The following RAP1GAP variants were observed in gnomAD, a reference collection of about 807,000 sequenced individuals.
RAP1GAP encodes RAP1 GTPase activating protein.
Under a neutral mutation model 87.2 loss-of-function variants are expected in RAP1GAP, and 35 were observed. The ratio of observed to expected loss-of-function variants is 0.40; its 90% CI spans 0.31 to 0.53. RAP1GAP has a LOEUF of 0.53. Ranked by LOEUF, RAP1GAP falls within the 20% of genes least tolerant of loss-of-function variation. The probability of loss-of-function intolerance (pLI) is 0.48; values close to 1 mark genes in which losing one functional copy is unlikely to be tolerated. For synonymous variants in RAP1GAP, 375 were observed against 363.9 expected, an observed-to-expected ratio of 1.03 and a Z score of -0.35; for missense variants, 734 against 898.9, an observed-to-expected ratio of 0.82 and a Z score of 2.35.
chr1:21,636,664 G>A lies in RAP1GAP; in HGVS notation c.-112-10267C>T, dbSNP rs552402135. 3.3e-5 allele frequency among the ~76,000 whole-genome samples: 5 copies of A among 151,924 alleles called. No individual in the cohort carries two copies. The East Asian group carries it at 5.8e-4, about 18-fold the overall frequency. ...TCTACTAAAAATACAAAAATTAGCC[G>A]GGTGTGGTAGCGCACGCCTGTAATC... On this transcript the variant is annotated intron_variant, in intron 2 of 24. Transcript: ENST00000374765.
intron 21 of RAP1GAP, 117 bp from the exon 22 acceptor site, chr1:21,598,619 C>T (rs892149857): frequency 1.1e-5 from 9 of 812,924 alleles, no homozygotes; most frequent in South Asian, 4.9e-5. Flanking sequence ...GTACCCTCTG[C>T]GAGGAGGACG....
chr1:21,643,753 T>C (rs1284514348), intron 2 of RAP1GAP, among the ~76,000 whole-genome samples: 1 of 152,180 alleles, frequency 6.6e-6, no homozygotes, highest in African/African-American at 2.4e-5. Context: ...TCTGCACTCA[T>C]TTCATTCGAA....
Position 21,609,741 on chromosome 1 carries a change from C to T in RAP1GAP, c.1000-95G>A. 1 of 939,212 alleles carries T rather than the reference C, an allele frequency of 1.1e-6. No homozygotes were observed. Among genetic ancestry groups the T allele is most frequent in the Non-Finnish European group, 1.6e-6 (1 of 645,146 alleles). 58.2% of individuals were successfully genotyped at this position (939,212 alleles called of 1,614,324 possible). A position where few individuals can be genotyped will look rare whatever the true frequency, so the allele number is the denominator to read the frequency against. ...CCTACTGTGCCTCCCTGGACTGCCC[C>T]TTGGTCGGGGAGACCCAGTGACTGT... is the stretch of plus-strand genomic sequence containing the variant. On this transcript the variant is annotated intron_variant, in intron 14 of 24. Coordinates refer to ENST00000374765, the MANE Select transcript of RAP1GAP (RefSeq NM_002885.4). The surrounding 1 kb of genome is among the most constrained non-coding windows in gnomAD (Gnocchi z 4.4).
At position 21,603,869 on chromosome 1, in the gene RAP1GAP, C is replaced by T. The variant is rs1282285505; in HGVS notation, c.1429-956G>A. 13 of 1,588,836 alleles carry T rather than the reference C, an allele frequency of 8.2e-6. No individual in the cohort carries two copies. Among genetic ancestry groups the T allele is most frequent in the Non-Finnish European group, 1.1e-5 (13 of 1,167,340 alleles). On this transcript the variant is annotated intron_variant, in intron 18 of 24. Coordinates refer to ENST00000374765, the MANE Select transcript of RAP1GAP (RefSeq NM_002885.4). The surrounding 1 kb of genome is among the most constrained non-coding windows in gnomAD (Gnocchi z 6.0). Reference sequence around the variant, plus strand: ...GGTTCCTATGCCTATGGCACTGCCCCGGCGTCCGAATCTACTCGCACTTTT... The same window carrying T: ...GGTTCCTATGCCTATGGCACTGCCCTGGCGTCCGAATCTACTCGCACTTTT...
intron 2 of RAP1GAP, among the ~76,000 whole-genome samples, chr1:21,636,782 G>A (rs2094743281): frequency 6.6e-6 from 1 of 151,362 alleles, no homozygotes; most frequent in African/African-American, 2.4e-5. Context: ...ACTCCAGCCT[G>A]GGCAACAAGA....
At chr1:21,620,812 G>A (rs985197561) in intron 3 of RAP1GAP, among the ~76,000 whole-genome samples, 1 of 151,924 alleles carries the variant, frequency 6.6e-6, no homozygotes, top group Non-Finnish European at 1.5e-5. Flanking sequence ...GGCTCCTGCT[G>A]ACACATGTGC....
At chr1:21,630,719 A>G (rs2093567999) in intron 2 of RAP1GAP, among the ~76,000 whole-genome samples, 1 of 151,048 alleles carries the variant, frequency 6.6e-6, no homozygotes, top group Admixed American at 6.6e-5. Context: ...AATTAAAAAT[A>G]AATTTTTTGT....
chr1:21,656,573 G>T (rs2096876215), intron 1 of RAP1GAP, among the ~76,000 whole-genome samples: 1 of 152,136 alleles, frequency 6.6e-6, no homozygotes, highest in African/African-American at 2.4e-5. Flanking sequence ...ATCCCAGGAA[G>T]CTTCTGGAAA....
chr1:21,642,874 C>CCACACACACA (rs1422143304), intron 2 of RAP1GAP, among the ~76,000 whole-genome samples: 1 of 80,826 alleles, frequency 1.2e-5, no homozygotes, highest in African/African-American at 5.0e-5. Flanking sequence ...CCCTTCCCCA[C>CCACACACACA]TACACACACA....
At position 21,669,142 on chromosome 1, in the gene RAP1GAP, A is replaced by C. The variant is rs1255839287; in HGVS notation, c.-149+112T>G. On this transcript the variant is annotated intron_variant, in intron 1 of 24. Coordinates refer to ENST00000374765, the MANE Select transcript of RAP1GAP (RefSeq NM_002885.4). The surrounding 1 kb of genome is among the most constrained non-coding windows in gnomAD (Gnocchi z 5.6). The stretch of plus-strand genomic sequence containing the variant: ...CCGGGTCCCCCACGCGTTCGCCCCC[A>C]CCCTCCGTCCCCGCCCGCCCGCGCG... The C allele has an allele frequency of 2.0e-5, 22 of 1,108,960 alleles. No individual in the cohort carries two copies. Among genetic ancestry groups the C allele is most frequent in the African/African-American group, 7.2e-5 (4 of 55,322 alleles). The allele number at this position is 1,108,960 out of a possible 1,614,324, so 68.7% of individuals were successfully genotyped here.
intron 10 of RAP1GAP, among the ~76,000 whole-genome samples, chr1:21,612,419 A>G (rs2078974703): frequency 6.6e-6 from 1 of 152,086 alleles, no homozygotes; most frequent in South Asian, 2.1e-4. Context: ...TGCCATGCCA[A>G]GCCCACCCCT....
intron 1 of RAP1GAP, among the ~76,000 whole-genome samples, chr1:21,655,173 G>T (rs1378727817): frequency 1.3e-5 from 2 of 151,630 alleles, no homozygotes; most frequent in East Asian, 3.9e-4. Context: ...AAAAAAAATT[G>T]TTGTAGCAGC....
In RAP1GAP at chr1:21,613,178, TG is replaced by T; in HGVS notation, c.525del (p.Lys176ArgfsTer70). ...GCTGTGCCCAGATCCAGCCATACCT[TG>T]GGGTAGAGCACAGGATAGAACCGAT... is the stretch of plus-strand genomic sequence containing the variant. ...NVDRFYPVLY[P>X]KASRLIVTFD... On this transcript the variant is annotated frameshift_variant, in exon 10 of 25. Transcript: ENST00000374765. LOFTEE classifies it high-confidence loss of function. This position sits in a 1 kb window ranked among gnomAD's most constrained non-coding sequence, Gnocchi z 4.7. 6.5e-7 allele frequency: 1 copy of T among 1,548,210 alleles called. No homozygotes were observed. The highest frequency in any genetic ancestry group is 8.9e-7 in the Non-Finnish European group (1 of 1,120,232).
intron 3 of RAP1GAP, among the ~76,000 whole-genome samples, chr1:21,624,993 C>A (rs2091300422): frequency 6.6e-6 from 1 of 152,216 alleles, no homozygotes; most frequent in South Asian, 2.1e-4. Flanking sequence ...ATGAACCCAG[C>A]TGTCAAGTGA....
chr1:21,597,996 G>T lies in RAP1GAP; in HGVS notation c.1948C>A (p.Gln650Lys). 6.3e-7 allele frequency: 1 copy of T among 1,581,124 alleles called. No individual in the cohort carries two copies. The highest frequency in any genetic ancestry group is 8.6e-7 in the Non-Finnish European group (1 of 1,164,606). The stretch of plus-strand genomic sequence containing the variant: ...ATGTGCTGCTCAGATGCTTCCAGCT[G>T]GATCTTGATCTCGGGACACGCAGGG... ...GDPACPEIKI[Q>K]LEASEQHMPQ... Residue 650 changes from glutamine to lysine, a missense_variant, in exon 23 of 25, where the codon CAG (glutamine) becomes AAG (lysine). By Grantham distance (53) the Gln-to-Lys change is moderately conservative (BLOSUM62 1). Coordinates refer to ENST00000374765, the MANE Select transcript of RAP1GAP (RefSeq NM_002885.4).
At chr1:21,659,461 T>C (rs997468262) in intron 1 of RAP1GAP, among the ~76,000 whole-genome samples, 1 of 151,918 alleles carries the variant, frequency 6.6e-6, no homozygotes, top group African/African-American at 2.4e-5. Flanking sequence ...CCAGCGCCCG[T>C]CCTCGCCCTC....
At chr1:21,626,967 G>C (rs1403654765) in intron 2 of RAP1GAP, 1 of 456,736 alleles carries the variant, frequency 2.2e-6, no homozygotes, top group East Asian at 6.9e-5. Flanking sequence ...TGTGCACAGA[G>C]GTCACACGGC....
chr1:21,613,381 A>G lies in RAP1GAP; in HGVS notation c.475-152T>C. 1.3e-6 allele frequency: 1 copy of G among 798,922 alleles called. No individual in the cohort carries two copies. Among genetic ancestry groups the G allele is most frequent in the South Asian group, 1.5e-5 (1 of 65,898 alleles). The allele number at this position is 798,922 out of a possible 1,614,324, so 49.5% of individuals were successfully genotyped here. ...CTCGGGGTTCACTGTTGCTCAGGGA[A>G]CGGAGGTCCCCTGAGATCTGAAGGT... On this transcript the variant is annotated intron_variant, in intron 9 of 24. Transcript: ENST00000374765. The surrounding 1 kb of genome is among the most constrained non-coding windows in gnomAD (Gnocchi z 4.7).
intron 1 of RAP1GAP, among the ~76,000 whole-genome samples, chr1:21,664,338 C>CA (rs1359047867): frequency 6.6e-6 from 1 of 152,202 alleles, no homozygotes; most frequent in East Asian, 1.9e-4. Context: ...GGTGGTTCCT[C>CA]ATTCCAGGCT....
Sources: allele counts gnomAD v4.1 joint callset (sites outside exome capture counted in the v4.1 genomes callset), GRCh38; gene constraint gnomAD v4.1.1; non-coding constraint Gnocchi (gnomAD v3.1); transcripts MANE v1.5; gene names NCBI Gene and HGNC (gene_info 2026-07-23, HGNC 2026-07-21).